Variants in CASD1 observed in about 807,000 individuals in gnomAD.
CASD1 encodes the protein CAS1 domain sialic acid O acetyltransferase 1, also known as N-acetylneuraminate (7)9-O-acetyltransferase.
CASD1 carries 41 observed loss-of-function variants against 100.0 expected under a neutral mutation model. The observed-to-expected ratio is 0.41, with a 90% CI of 0.32 to 0.53. The LOEUF is 0.53. Ranked by LOEUF, CASD1 falls within the 20% of genes least tolerant of loss-of-function variation. CASD1 has a pLI of 0.25. For synonymous variants in CASD1, 321 were observed against 315.6 expected (o/e 1.02, Z -0.18); for missense variants, 774 against 948.7 (o/e 0.82, Z 2.42).
rs1326920555 is a variant in CASD1, at chr7:94,510,081, C to G, written c.-4C>G. On this transcript the variant is annotated 5_prime_UTR_variant, in exon 1 of 18. Coordinates refer to ENST00000297273, the MANE Select transcript of CASD1 (RefSeq NM_022900.5). ...CCGCGCACTGTTGTCATGGAGGAAC[C>G]AAGATGGCGGCTCTGGCCTACAACC... 2.6e-6 allele frequency: 4 copies of G among 1,515,832 alleles called. No homozygotes were observed. In the Admixed American group the frequency reaches 6.3e-5, roughly 24 times the overall value. 93.9% of individuals were successfully genotyped at this position (1,515,832 alleles called of 1,614,324 possible). A position where few individuals can be genotyped will look rare whatever the true frequency, so the allele number is the denominator to read the frequency against.
intron 15 of CASD1, chr7:94,551,975 C>T (rs945326521): frequency 1.1e-5 from 2 of 178,712 alleles, no homozygotes; most frequent in Non-Finnish European, 2.3e-5. Context: ...GACTTAAATT[C>T]TAAAGAGACT....
At chr7:94,624,018 T>C in the CASD1 span, 26 of 392,616 alleles carry the variant, frequency 6.6e-5, no homozygotes, top group Non-Finnish European at 7.6e-5. Context: ...GCAGAGCCAA[T>C]AGACTTACAT....
the CASD1 span, chr7:94,618,767 A>G: frequency 6.2e-7 from 1 of 1,613,494 alleles, no homozygotes; most frequent in Non-Finnish European, 8.5e-7. Flanking sequence ...CCCCTCCTTC[A>G]GGTCATTAAT....
At chr7:94,597,732 G>A in the CASD1 span, 1 of 152,270 alleles carries the variant, frequency 6.6e-6, no homozygotes, top group Admixed American at 6.5e-5. Flanking sequence ...AAAAAGGCCG[G>A]GCATGGTGGC....
the CASD1 span, among the ~76,000 whole-genome samples, chr7:94,586,061 G>GAAAAAAAAAAAAAAAAAAAA: frequency 3.1e-4 from 9 of 28,904 alleles, no homozygotes; most frequent in Admixed American, 5.2e-4. Context: ...GGAACTAAAT[G>GAAAAAAAAAAAAAAAAAAAA]AAAAAAAAAA....
intron 12 of CASD1, 127 bp downstream of exon 12, chr7:94,545,828 C>A: frequency 1.8e-6 from 1 of 555,032 alleles, no homozygotes; most frequent in Non-Finnish European, 3.0e-6. Flanking sequence ...GTAGTTTTAA[C>A]ATTTTGAAAT....
chr7:94,536,931 A>G (rs1299106375), intron 8 of CASD1, among the ~76,000 whole-genome samples: 2 of 152,220 alleles, frequency 1.3e-5, no homozygotes, highest in Non-Finnish European at 2.9e-5. Context: ...AATGAAAGGC[A>G]TATTACAAAT....
At chr7:94,623,213 GTTATA>G in the CASD1 span, 3 of 630,876 alleles carry the variant, frequency 4.8e-6, no homozygotes, top group Admixed American at 3.0e-5. Context: ...TATTTCATCA[GTTATA>G]TTAGGTATGT....
chr7:94,518,926 A>G (rs923083038), intron 3 of CASD1, among the ~76,000 whole-genome samples: 3 of 152,090 alleles, frequency 2.0e-5, no homozygotes, highest in African/African-American at 7.2e-5. Context: ...TGCTTTTTAA[A>G]TTATTTCCTT....
chr7:94,575,736 A>G, the CASD1 span, among the ~76,000 whole-genome samples: 2 of 152,158 alleles, frequency 1.3e-5, no homozygotes, highest in African/African-American at 4.8e-5. Flanking sequence ...GTTTTTCAAA[A>G]TAAGTTTGCT....
intron 9 of CASD1, 72 bp from the exon 10 acceptor site, chr7:94,538,895 C>T (rs1795248351): frequency 2.7e-6 from 2 of 727,316 alleles, no homozygotes; most frequent in Admixed American, 2.8e-5. Context: ...AAACTTTTAA[C>T]ATACTTATTA....
At chr7:94,629,853 G>A in the CASD1 span, 8 of 1,610,112 alleles carry the variant, frequency 5.0e-6, no homozygotes, top group Non-Finnish European at 6.8e-6. Context: ...TGAAAACAAA[G>A]AGGAAAGATA....
intron 10 of CASD1, among the ~76,000 whole-genome samples, chr7:94,542,448 T>C (rs1314748595): frequency 1.3e-5 from 2 of 152,222 alleles, no homozygotes; most frequent in Admixed American, 1.3e-4. Flanking sequence ...ATATCTCATG[T>C]TGAAATATTT....
At chr7:94,518,903 T>C (rs1277813306) in intron 3 of CASD1, among the ~76,000 whole-genome samples, 2 of 152,098 alleles carry the variant, frequency 1.3e-5, no homozygotes, top group African/African-American at 4.8e-5. Context: ...ATTACTTCTT[T>C]GTGTGAAAAC....
intron 16 of CASD1, 157 bp from the exon 17 acceptor site, chr7:94,554,326 A>C (rs992866542): frequency 1.9e-5 from 10 of 531,996 alleles, no homozygotes; most frequent in Middle Eastern, 5.1e-4. Flanking sequence ...TTTAGAACAA[A>C]AATAACTTTC....
At chr7:94,526,393 T>C (rs1323343214) in intron 3 of CASD1, among the ~76,000 whole-genome samples, 1 of 152,210 alleles carries the variant, frequency 6.6e-6, no homozygotes, top group Non-Finnish European at 1.5e-5. Flanking sequence ...GTGGCGTATG[T>C]CACATATATC....
At chr7:94,574,970 A>AAAAC in the CASD1 span, among the ~76,000 whole-genome samples, 24 of 152,230 alleles carry the variant, frequency 1.6e-4, no homozygotes, top group Admixed American at 3.9e-4. Context: ...ACTCCATCTC[A>AAAAC]AAACAAACAA....
At chr7:94,516,866 A>T (rs1337997788) in intron 1 of CASD1, among the ~76,000 whole-genome samples, 1 of 151,612 alleles carries the variant, frequency 6.6e-6, no homozygotes, top group Non-Finnish European at 1.5e-5. Context: ...TTGAATAGGA[A>T]GTCATTTCCA....
the CASD1 span, among the ~76,000 whole-genome samples, chr7:94,623,077 T>C: frequency 6.6e-6 from 1 of 152,130 alleles, no homozygotes; most frequent in Non-Finnish European, 1.5e-5. Context: ...TTTAAGGTAA[T>C]GAAAAAGGCT....
Sources: gnomAD v4.1 joint callset for allele counts (sites outside exome capture counted in the v4.1 genomes callset) on GRCh38, gnomAD v4.1.1 for gene constraint, MANE v1.5 for transcripts, NCBI Gene and HGNC (gene_info 2026-07-23, HGNC 2026-07-21) for gene names.